The following HSP90AA1 variants were observed in gnomAD, a reference collection of about 807,000 sequenced individuals.
HSP90AA1 encodes heat shock protein 90 alpha family class A member 1.
In HSP90AA1, 18 loss-of-function variants were observed where a neutral mutation model predicts 73.3. The ratio of observed to expected loss-of-function variants is 0.25; its 90% CI spans 0.17 to 0.36. The LOEUF (loss-of-function observed/expected upper bound fraction) is 0.36, where lower values mean the gene tolerates loss of function less well. HSP90AA1 is among the 10% of genes least tolerant of loss of function. The pLI, the probability that HSP90AA1 is intolerant of heterozygous loss-of-function variation, is 1.00. For synonymous variants in HSP90AA1, 477 were observed against 296.9 expected (o/e 1.61, Z -6.24); for missense variants, 704 against 874.2 (o/e 0.81, Z 2.45).
chr14:102,121,002 CACACACACACACACACACAT>C (rs1196821429), intron 1 of HSP90AA1, among the ~76,000 whole-genome samples: 8 of 144,628 alleles, frequency 5.5e-5, no homozygotes, highest in Admixed American at 1.4e-4. Context: ...GCAACATACA[CACACACACACACACACACAT>C]ACACACACAC....
At chr14:102,086,954 C>T (rs1309768916) in intron 1 of HSP90AA1, 32 bp downstream of exon 1, 12 of 979,396 alleles carry the variant, frequency 1.2e-5, no homozygotes, top group Non-Finnish European at 1.5e-5. Context: ...GTCCCCAGTC[C>T]ACCTCCACAG....
chr14:102,107,317 C>T (rs893055261), intron 1 of HSP90AA1, among the ~76,000 whole-genome samples: 1 of 151,628 alleles, frequency 6.6e-6, no homozygotes, highest in South Asian at 2.1e-4. Context: ...TGGTTTAGCC[C>T]GTTTTTTTTG....
chr14:102,112,637 T>G (rs2049656276), intron 1 of HSP90AA1, among the ~76,000 whole-genome samples: 1 of 152,096 alleles, frequency 6.6e-6, no homozygotes, highest in South Asian at 2.1e-4. Flanking sequence ...CACCACCATG[T>G]GCAGCTAAGT....
chr14:102,136,971 T>A lies in HSP90AA1; in HGVS notation c.155+2279A>T, dbSNP rs568478864. Reference sequence around the variant, plus strand: ...GCTCACGCCTGTAATCCTAGCACTCTGGGAAGCTGAGGTGGGTGGATCACC... The same window carrying A: ...GCTCACGCCTGTAATCCTAGCACTCAGGGAAGCTGAGGTGGGTGGATCACC... On this transcript the variant is annotated intron_variant, in intron 1 of 11. Coordinates refer to the HSP90AA1 transcript ENST00000334701. Among the ~76,000 whole-genome samples the A allele has an allele frequency of 6.4e-4, 96 of 150,770 alleles. 1 individual carries two copies. The highest frequency in any genetic ancestry group is 2.2e-3 in the African/African-American group (92 of 41,050).
chr14:102,085,546 A>G lies in HSP90AA1; in HGVS notation c.530-115T>C, dbSNP rs1595658616. On this transcript the variant is annotated intron_variant, in intron 3 of 10. Transcript: ENST00000216281. ...AGGTTTGCCGTTACTACAGATGCAA[A>G]GGCCACCACAGCAGAACCTTTTGGG... is the stretch of plus-strand genomic sequence containing the variant. The G allele has an allele frequency of 4.1e-6, 5 of 1,220,938 alleles. No individual in the cohort carries two copies. The East Asian group carries it at 1.2e-4, about 29-fold the overall frequency. 75.6% of individuals were successfully genotyped at this position (1,220,938 alleles called of 1,614,324 possible). A position where few individuals can be genotyped will look rare whatever the true frequency, so the allele number is the denominator to read the frequency against.
At chr14:102,118,840 C>A (rs1595676203) in intron 1 of HSP90AA1, among the ~76,000 whole-genome samples, 1 of 132,706 alleles carries the variant, frequency 7.5e-6, no homozygotes, top group Non-Finnish European at 1.5e-5. Context: ...TCTGACTCTT[C>A]TTGCTTTTCC....
At chr14:102,117,355 C>T (rs2049720474) in intron 1 of HSP90AA1, among the ~76,000 whole-genome samples, 1 of 152,102 alleles carries the variant, frequency 6.6e-6, no homozygotes. Flanking sequence ...GTGCCTTTTC[C>T]AGGCCCACTT....
intron 1 of HSP90AA1, among the ~76,000 whole-genome samples, chr14:102,134,805 T>G (rs1180633351): frequency 2.0e-5 from 3 of 152,270 alleles, no homozygotes; most frequent in African/African-American, 4.8e-5. Flanking sequence ...AGAACAAAGC[T>G]TCTACAGTGC....
In HSP90AA1 at chr14:102,082,317, A is replaced by C; in HGVS notation, c.1883T>G (p.Met628Arg). 6.2e-7 allele frequency: 1 copy of C among 1,613,954 alleles called. No individual in the cohort carries two copies. Among genetic ancestry groups the C allele is most frequent in the Non-Finnish European group, 8.5e-7 (1 of 1,179,828 alleles). The change falls in exon 10 of 11, where the codon ATG becomes AGG. Residue 628 changes from methionine (M) to arginine (R), a missense_variant. By Grantham distance (91) the Met-to-Arg change is moderately conservative (BLOSUM62 -1). Coordinates refer to ENST00000216281, the MANE Select transcript of HSP90AA1 (RefSeq NM_005348.4). Reference protein sequence around the residue: ...ALRDNSTMGYMAAKKHLEINP... With the variant: ...ALRDNSTMGYRAAKKHLEINP... ...TATCTCCAGGTGTTTCTTTGCTGCC[A>C]TGTAACCCATTGTTGAGTTGTCTCT...
rs183736303 is a variant in HSP90AA1 at position 102,128,156 on chromosome 14, C to G, written c.155+11094G>C. 2.8e-3 allele frequency among the ~76,000 whole-genome samples: 428 copies of G among 152,104 alleles called. 8 individuals carry two copies. Among genetic ancestry groups the G allele is most frequent in the Non-Finnish European group, 1.1e-3 (72 of 68,000 alleles). Reference sequence around the variant, plus strand: ...CTGGAGCAGGGTGTCCTAGAGGAGACCAGGAATTTGTTACAAGAACATGGT... The same window carrying G: ...CTGGAGCAGGGTGTCCTAGAGGAGAGCAGGAATTTGTTACAAGAACATGGT... On this transcript the variant is annotated intron_variant, in intron 1 of 11. Transcript: ENST00000334701.
In HSP90AA1 at chr14:102,084,832, T is replaced by G. The variant is rs372518751; in HGVS notation, c.830A>C (p.Lys277Thr). 32 of 1,604,826 alleles carry G rather than the reference T, an allele frequency of 2.0e-5. No homozygotes were observed. The highest frequency in any genetic ancestry group is 2.3e-5 in the Non-Finnish European group (27 of 1,171,630). Residue 277 changes from lysine to threonine, a missense_variant, in exon 5 of 11, where the codon AAG becomes ACG. Coordinates refer to ENST00000216281, the MANE Select transcript of HSP90AA1 (RefSeq NM_005348.4). Reference sequence around the variant, plus strand: ...GATGTACTTTTCCTTAATCTTCTTCTTCTTCTTCTTGTCACCATCCTTCTT... The same window carrying G: ...GATGTACTTTTCCTTAATCTTCTTCGTCTTCTTCTTGTCACCATCCTTCTT... ...EEKKDGDKKK[K>T]KKIKEKYIDQ...
intron 1 of HSP90AA1, among the ~76,000 whole-genome samples, chr14:102,124,042 CA>C (rs2049811382): frequency 6.6e-6 from 1 of 152,094 alleles, no homozygotes; most frequent in African/African-American, 2.4e-5. Flanking sequence ...CTCTGCCTCC[CA>C]AAATGCTGGG....
intron 2 of HSP90AA1, among the ~76,000 whole-genome samples, chr14:102,094,958 G>T (rs1382236797): frequency 6.6e-6 from 1 of 152,120 alleles, no homozygotes; most frequent in Non-Finnish European, 1.5e-5. Flanking sequence ...GAGTTAACAG[G>T]GTGAAGCACA....
intron 1 of HSP90AA1, among the ~76,000 whole-genome samples, chr14:102,126,198 C>T (rs2049836961): frequency 6.6e-6 from 1 of 152,058 alleles, no homozygotes; most frequent in Non-Finnish European, 1.5e-5. Flanking sequence ...GCCTTCTATT[C>T]CCTCTGATGA....
intron 1 of HSP90AA1, among the ~76,000 whole-genome samples, chr14:102,127,038 CTTTT>C (rs34283559): frequency 6.8e-6 from 1 of 146,456 alleles, no homozygotes; most frequent in African/African-American, 2.5e-5. Flanking sequence ...GTGAGAAGTA[CTTTT>C]TTTTTTTTTT....
At chr14:102,133,356 A>G (rs556775166) in intron 1 of HSP90AA1, among the ~76,000 whole-genome samples, 2 of 152,270 alleles carry the variant, frequency 1.3e-5, no homozygotes, top group South Asian at 4.1e-4. Flanking sequence ...ATGTACACAA[A>G]ATTTTGAACA....
At chr14:102,128,426 G>A (rs113437507) in intron 1 of HSP90AA1, among the ~76,000 whole-genome samples, 3 of 151,852 alleles carry the variant, frequency 2.0e-5, no homozygotes, top group Non-Finnish European at 2.9e-5. Context: ...TCAGGGGTTC[G>A]AGACCAGCCT....
At chr14:102,082,486 T>G in intron 9 of HSP90AA1, 42 bp from the exon 10 acceptor site, 1 of 1,462,454 alleles carries the variant, frequency 6.8e-7, no homozygotes, top group Non-Finnish European at 9.5e-7. Flanking sequence ...GAAAGATTAA[T>G]TCCTAAACTT....
At chr14:102,085,059 C>T (rs2049193216) in intron 4 of HSP90AA1, 61 bp from the exon 5 acceptor site, 6 of 1,611,918 alleles carry the variant, frequency 3.7e-6, no homozygotes, top group South Asian at 3.3e-5. Flanking sequence ...GACAGCGCTG[C>T]ACCACTATTT....
Sources: allele counts gnomAD v4.1 joint callset (sites outside exome capture counted in the v4.1 genomes callset), GRCh38; gene constraint gnomAD v4.1.1; transcripts MANE v1.5; gene names NCBI Gene and HGNC (gene_info 2026-07-23, HGNC 2026-07-21).